TENM4: variants seen among roughly 807,000 people sequenced by gnomAD.
The protein encoded by TENM4 is teneurin transmembrane protein 4, also known as teneurin-4.
A neutral mutation model predicts 243.3 loss-of-function variants in TENM4; 82 were observed. That is an observed-to-expected ratio of 0.34 (90% CI 0.28 to 0.40). TENM4 has a LOEUF of 0.40. TENM4 is among the 10% of genes least tolerant of loss of function. TENM4 has a pLI of 1.00. For missense variants in TENM4, 3,138 were observed against 3,673.3 expected, an observed-to-expected ratio of 0.85 and a Z score of 3.77; for synonymous variants, 1,412 against 1,456.3, an observed-to-expected ratio of 0.97 and a Z score of 0.69.
intron 1 of TENM4, among the ~76,000 whole-genome samples, chr11:79,396,060 C>T (rs914866844): frequency 2.0e-5 from 3 of 152,192 alleles, no homozygotes; most frequent in Non-Finnish European, 2.9e-5. Flanking sequence ...TTCCTGGATG[C>T]ACCTTTGCTC....
chr11:79,356,933 T>C (rs1159737277), intron 1 of TENM4, among the ~76,000 whole-genome samples: 1 of 152,216 alleles, frequency 6.6e-6, no homozygotes, highest in Non-Finnish European at 1.5e-5. Flanking sequence ...TCTACCATAT[T>C]CTAGTAAGAG....
intron 1 of TENM4, among the ~76,000 whole-genome samples, chr11:79,406,090 G>A (rs1858566105): frequency 6.6e-6 from 1 of 152,024 alleles, no homozygotes; most frequent in Admixed American, 6.5e-5. Context: ...TGGCCTGACT[G>A]TGCAGACATA....
chr11:79,082,549 T>C (rs1860702172), intron 4 of TENM4, among the ~76,000 whole-genome samples: 1 of 137,804 alleles, frequency 7.3e-6, no homozygotes, highest in Non-Finnish European at 1.7e-5. Flanking sequence ...GCCTGAGAAC[T>C]GCCCTGATAC....
At chr11:79,276,955 C>G (rs189173263) in intron 2 of TENM4, among the ~76,000 whole-genome samples, 138 of 152,166 alleles carry the variant, frequency 9.1e-4, no homozygotes, top group African/African-American at 3.1e-3. Flanking sequence ...ACATAGATTC[C>G]AAATATAGGT....
intron 6 of TENM4, among the ~76,000 whole-genome samples, chr11:78,958,940 A>G (rs1322220237): frequency 6.6e-6 from 1 of 152,224 alleles, no homozygotes; most frequent in Non-Finnish European, 1.5e-5. Context: ...GAAAAGTTTT[A>G]TCAGCTTCAA....
intron 6 of TENM4, among the ~76,000 whole-genome samples, chr11:78,923,005 C>T (rs1243453164): frequency 2.0e-5 from 3 of 152,046 alleles, no homozygotes; most frequent in Non-Finnish European, 2.9e-5. Flanking sequence ...CCTGGAGTAC[C>T]TCTCATATGC....
chr11:79,284,458 G>C (rs1321451317), intron 2 of TENM4, among the ~76,000 whole-genome samples: 1 of 152,176 alleles, frequency 6.6e-6, no homozygotes, highest in African/African-American at 2.4e-5. Flanking sequence ...CAATAAGAAA[G>C]TCTTGTCAGG....
intron 9 of TENM4, among the ~76,000 whole-genome samples, chr11:78,873,145 A>G (rs1859179593): frequency 6.6e-6 from 1 of 152,192 alleles, no homozygotes; most frequent in Middle Eastern, 3.2e-3. Flanking sequence ...CTTGGGGACC[A>G]TATCATATTT....
At chr11:79,323,820 A>G (rs1314175297) in intron 1 of TENM4, among the ~76,000 whole-genome samples, 1 of 152,142 alleles carries the variant, frequency 6.6e-6, no homozygotes, top group Non-Finnish European at 1.5e-5. Flanking sequence ...TGGACTTGCC[A>G]GTTCCTACAA....
At chr11:79,341,147 C>T (rs1196068894) in intron 1 of TENM4, among the ~76,000 whole-genome samples, 2 of 152,158 alleles carry the variant, frequency 1.3e-5, no homozygotes, top group Admixed American at 6.5e-5. Flanking sequence ...AAGGAACCAG[C>T]CCTGCCAACG....
intron 22 of TENM4, 73 bp from the exon 23 acceptor site, chr11:78,726,295 A>G: frequency 6.5e-7 from 1 of 1,529,044 alleles, no homozygotes; most frequent in Non-Finnish European, 8.8e-7. Flanking sequence ...CCTGTAGGCA[A>G]GGCCCCTGGC....
chr11:78,849,986 C>T (rs1374609486), intron 12 of TENM4, among the ~76,000 whole-genome samples: 2 of 152,158 alleles, frequency 1.3e-5, no homozygotes, highest in African/African-American at 2.4e-5. Flanking sequence ...TCTGGATCTC[C>T]ACCTGCAGGG....
chr11:78,974,115 C>T (rs1260363219), intron 6 of TENM4, among the ~76,000 whole-genome samples: 1 of 152,164 alleles, frequency 6.6e-6, no homozygotes, highest in Non-Finnish European at 1.5e-5. Flanking sequence ...AACTAAAGGT[C>T]AGGATGCCTG....
At chr11:78,866,949 A>T (rs1017583900) in intron 9 of TENM4, among the ~76,000 whole-genome samples, 18 of 152,184 alleles carry the variant, frequency 1.2e-4, no homozygotes, top group South Asian at 2.1e-4. Flanking sequence ...TCATCTTTTT[A>T]AAAAAAATTT....
intron 4 of TENM4, among the ~76,000 whole-genome samples, chr11:79,100,765 A>G (rs1861209613): frequency 6.6e-6 from 1 of 152,144 alleles, no homozygotes. Flanking sequence ...CCAGGAATAA[A>G]CTTACAAGGA....
intron 1 of TENM4, among the ~76,000 whole-genome samples, chr11:79,360,426 T>C (rs902126606): frequency 2.0e-5 from 3 of 152,224 alleles, no homozygotes; most frequent in Non-Finnish European, 4.4e-5. Context: ...TCTGTTCACA[T>C]AGGGAACCTC....
chr11:79,159,009 T>C (rs891575736), intron 3 of TENM4, among the ~76,000 whole-genome samples: 1 of 152,098 alleles, frequency 6.6e-6, no homozygotes, highest in Admixed American at 6.5e-5. Context: ...CCACTTTCCT[T>C]ATAGAGAGGT....
chr11:78,846,550 A>G (rs1220496150), intron 12 of TENM4, among the ~76,000 whole-genome samples: 1 of 152,218 alleles, frequency 6.6e-6, no homozygotes, highest in Admixed American at 6.5e-5. Flanking sequence ...TGTCCCCGTT[A>G]AAGCATCATG....
chr11:79,405,730 C>CATAACTAACT (rs1438262254), intron 1 of TENM4, among the ~76,000 whole-genome samples: 1 of 150,110 alleles, frequency 6.7e-6, no homozygotes, highest in African/African-American at 2.4e-5. Flanking sequence ...CCAGGGATTT[C>CATAACTAACT]ATAACTAACT....
Sources: gnomAD v4.1 joint callset for allele counts (sites outside exome capture counted in the v4.1 genomes callset) on GRCh38, gnomAD v4.1.1 for gene constraint, MANE v1.5 for transcripts, NCBI Gene and HGNC (gene_info 2026-07-23, HGNC 2026-07-21) for gene names.